GALNT7: variants seen among roughly 807,000 people sequenced by gnomAD.
The protein encoded by GALNT7 is N-acetylgalactosaminyltransferase 7.
A neutral mutation model predicts 82.1 loss-of-function variants in GALNT7; 60 were observed. The observed-to-expected ratio is 0.73, with a 90% CI of 0.59 to 0.91. The LOEUF is 0.91. Among genes scored for constraint, GALNT7 ranks in the 40% least tolerant of loss-of-function variants. The pLI is 0.00. For synonymous variants in GALNT7, 243 were observed against 275.1 expected (o/e 0.88, Z 1.15); for missense variants, 660 against 804.2 (o/e 0.82, Z 2.17).
At chr4:173,223,826 T>C (rs778311728) in intron 1 of GALNT7, among the ~76,000 whole-genome samples, 1 of 152,240 alleles carries the variant, frequency 6.6e-6, no homozygotes, top group Non-Finnish European at 1.5e-5. Context: ...TGTATATACA[T>C]AGACCTATCT....
At chr4:173,177,203 T>C (rs1481410020) in intron 1 of GALNT7, among the ~76,000 whole-genome samples, 2 of 152,178 alleles carry the variant, frequency 1.3e-5, no homozygotes, top group African/African-American at 4.8e-5. Flanking sequence ...AGCAGATAAT[T>C]TGCATTTCTA....
intron 1 of GALNT7, among the ~76,000 whole-genome samples, chr4:173,197,749 G>T (rs576405365): frequency 1.3e-5 from 2 of 152,302 alleles, no homozygotes; most frequent in African/African-American, 2.4e-5. Flanking sequence ...TGGTTGGAGA[G>T]AAGTGGGGGG....
At chr4:173,181,751 T>G (rs531598501) in intron 1 of GALNT7, among the ~76,000 whole-genome samples, 30 of 152,370 alleles carry the variant, frequency 2.0e-4, no homozygotes, top group African/African-American at 5.3e-4. Flanking sequence ...AGAAAGGAAC[T>G]GCCGGTATCA....
At chr4:173,226,586 C>T (rs1733835095) in intron 1 of GALNT7, among the ~76,000 whole-genome samples, 1 of 152,130 alleles carries the variant, frequency 6.6e-6, no homozygotes, top group Non-Finnish European at 1.5e-5. Flanking sequence ...TCCTTCATCC[C>T]GTGATTTTCT....
At chr4:173,240,912 G>C (rs2126726126) in intron 1 of GALNT7, among the ~76,000 whole-genome samples, 1 of 152,204 alleles carries the variant, frequency 6.6e-6, no homozygotes, top group Non-Finnish European at 1.5e-5. Context: ...GTTAGAAACA[G>C]GGGGATGGCT....
chr4:173,308,640 C>G (rs182872679), intron 8 of GALNT7, among the ~76,000 whole-genome samples: 2 of 152,216 alleles, frequency 1.3e-5, no homozygotes, highest in Admixed American at 6.5e-5. Context: ...CACAGTGGCT[C>G]ACACCTGTAA....
intron 2 of GALNT7, among the ~76,000 whole-genome samples, chr4:173,270,058 A>G (rs888612653): frequency 5.9e-5 from 9 of 152,232 alleles, no homozygotes; most frequent in Non-Finnish European, 1.3e-4. Flanking sequence ...ATATAAAAAG[A>G]TAATCAAGTG....
intron 1 of GALNT7, among the ~76,000 whole-genome samples, chr4:173,193,744 A>T (rs1687806767): frequency 6.6e-6 from 1 of 152,168 alleles, no homozygotes; most frequent in African/African-American, 2.4e-5. Context: ...GTTAGCTTTG[A>T]TTACAATCCC....
chr4:173,269,744 C>T (rs1263249338), intron 2 of GALNT7, among the ~76,000 whole-genome samples: 2 of 152,158 alleles, frequency 1.3e-5, no homozygotes, highest in Non-Finnish European at 2.9e-5. Context: ...TCCTCCTCAA[C>T]AGAAGTAATT....
chr4:173,179,637 T>A (rs1490470304), intron 1 of GALNT7, among the ~76,000 whole-genome samples: 1 of 152,244 alleles, frequency 6.6e-6, no homozygotes, highest in African/African-American at 2.4e-5. Context: ...CAATTCCTAA[T>A]GTAGTATGAA....
At chr4:173,212,750 A>G (rs1432549005) in intron 1 of GALNT7, among the ~76,000 whole-genome samples, 1 of 152,060 alleles carries the variant, frequency 6.6e-6, no homozygotes, top group Admixed American at 6.6e-5. Context: ...TATTGGACAT[A>G]TCAATACAAC....
chr4:173,218,994 C>T (rs1331363036), intron 1 of GALNT7, among the ~76,000 whole-genome samples: 1 of 151,096 alleles, frequency 6.6e-6, no homozygotes, highest in Non-Finnish European at 1.5e-5. Context: ...TTTTTTTTTT[C>T]AACAGGTTTT....
chr4:173,207,378 C>A (rs1329235997), intron 1 of GALNT7, among the ~76,000 whole-genome samples: 1 of 152,178 alleles, frequency 6.6e-6, no homozygotes, highest in East Asian at 1.9e-4. Flanking sequence ...ATTATTCCAA[C>A]ATTTTCTACA....
intron 7 of GALNT7, among the ~76,000 whole-genome samples, chr4:173,303,087 C>T (rs1266748962): frequency 3.3e-5 from 5 of 151,686 alleles, no homozygotes; most frequent in South Asian, 2.1e-4. Flanking sequence ...CCCAGATACT[C>T]GGGAGGCTGA....
At position 173,268,530 on chromosome 4, in the gene GALNT7, G is replaced by GTTTTTTT. The variant is rs60894562; in HGVS notation, c.587+20111_587+20117dup. Among the ~76,000 whole-genome samples the GTTTTTTT allele has an allele frequency of 1.3e-4, 7 of 52,364 alleles. 2 individuals are homozygous for GTTTTTTT. Among genetic ancestry groups the GTTTTTTT allele is most frequent in the East Asian group, 7.3e-4 (1 of 1,364 alleles). The allele number at this position is 52,364 out of a possible 152,430, so 34.4% of individuals were successfully genotyped here. A position where few individuals can be genotyped will look rare whatever the true frequency, so the allele number is the denominator to read the frequency against. ...AAATAGGACACTTGTTTTCTCTCTC[G>GTTTTTTT]TTTTTTTTTTTTTTTTTTTTTTTTT... On this transcript the variant is annotated intron_variant, in intron 2 of 11. Transcript: ENST00000265000.
chr4:173,291,794 GAAA>G (rs769433577), intron 2 of GALNT7, among the ~76,000 whole-genome samples: 13 of 101,786 alleles, frequency 1.3e-4, no homozygotes, highest in African/African-American at 2.7e-4. Flanking sequence ...TCCAGGTCAT[GAAA>G]AAAAAAAAAA....
At chr4:173,287,112 T>C (rs774486921) in intron 2 of GALNT7, among the ~76,000 whole-genome samples, 1 of 152,236 alleles carries the variant, frequency 6.6e-6, no homozygotes, top group Non-Finnish European at 1.5e-5. Context: ...GTCTGAGTAA[T>C]AAACCTGTTC....
intron 1 of GALNT7, among the ~76,000 whole-genome samples, chr4:173,216,727 A>ATATATATATTTTTT (rs71244915): frequency 4.6e-4 from 6 of 12,978 alleles, no homozygotes; most frequent in African/African-American, 1.7e-3. Context: ...ATATATATAT[A>ATATATATATTTTTT]TTTTTTTTTT....
At chr4:173,191,215 C>G (rs1456563502) in intron 1 of GALNT7, among the ~76,000 whole-genome samples, 1 of 150,440 alleles carries the variant, frequency 6.6e-6, no homozygotes, top group African/African-American at 2.5e-5. Flanking sequence ...GTTCAGATCT[C>G]TGGGGATGGG....
Sources: allele counts gnomAD v4.1 joint callset (sites outside exome capture counted in the v4.1 genomes callset), GRCh38; gene constraint gnomAD v4.1.1; transcripts MANE v1.5; gene names NCBI Gene and HGNC (gene_info 2026-07-23, HGNC 2026-07-21).